NCAM1: variants seen among roughly 807,000 people sequenced by gnomAD.
NCAM1 encodes the protein neural cell adhesion molecule 1.
Under a neutral mutation model 109.8 loss-of-function variants are expected in NCAM1, and 14 were observed. That is an observed-to-expected ratio of 0.13 (90% confidence interval 0.08 to 0.20). NCAM1 has a LOEUF of 0.20. NCAM1 is among the 10% of genes least tolerant of loss of function. NCAM1 has a pLI of 1.00. For missense variants in NCAM1, 774 were observed against 1,109.9 expected (o/e 0.70, Z 4.30); for synonymous variants, 418 against 442.9 (o/e 0.94, Z 0.70).
At chr11:113,107,517 G>A (rs1555092767) in intron 1 of NCAM1, among the ~76,000 whole-genome samples, 1 of 152,120 alleles carries the variant, frequency 6.6e-6, no homozygotes, top group African/African-American at 2.4e-5. Context: ...AGATTTAACG[G>A]AGTCACAGTT....
Position 112,984,525 on chromosome 11 carries a change from G to C in NCAM1, c.52+22861G>C, listed in dbSNP as rs151072931. Among the ~76,000 whole-genome samples the C allele has an allele frequency of 5.9e-5, 9 of 151,840 alleles. No homozygotes were observed. In the East Asian group the frequency reaches 1.7e-3, roughly 29 times the overall value. ...TACATGCCCACCAACAGTGTACAAG[G>C]GTTCCCATTTCTCTACATGGCTACC... is the stretch of plus-strand genomic sequence containing the variant. On this transcript the variant is annotated intron_variant, in intron 1 of 19. Coordinates refer to ENST00000316851, the MANE Select transcript of NCAM1 (RefSeq NM_181351.5).
At chr11:112,983,104 A>C (rs1951196678) in intron 1 of NCAM1, among the ~76,000 whole-genome samples, 1 of 151,978 alleles carries the variant, frequency 6.6e-6, no homozygotes, top group South Asian at 2.1e-4. Flanking sequence ...ATATTTTCAA[A>C]AAGAATTAAA....
chr11:113,225,568 G>A (rs1224652792), intron 9 of NCAM1, among the ~76,000 whole-genome samples: 1 of 152,122 alleles, frequency 6.6e-6, no homozygotes, highest in Non-Finnish European at 1.5e-5. Flanking sequence ...TTCAAATTCA[G>A]GAAATACAGA....
chr11:113,022,231 A>G (rs1036916096), intron 1 of NCAM1, among the ~76,000 whole-genome samples: 1 of 152,162 alleles, frequency 6.6e-6, no homozygotes, highest in East Asian at 1.9e-4. Context: ...TCTGTGGTTC[A>G]TGGTTTAGAG....
intron 1 of NCAM1, among the ~76,000 whole-genome samples, chr11:112,987,621 C>T (rs1555069910): frequency 6.6e-6 from 1 of 151,776 alleles, no homozygotes; most frequent in Non-Finnish European, 1.5e-5. Context: ...AATTAATTGA[C>T]TTCTTTATTA....
intron 1 of NCAM1, among the ~76,000 whole-genome samples, chr11:112,990,680 G>T (rs1481915307): frequency 6.6e-6 from 1 of 152,110 alleles, no homozygotes; most frequent in Admixed American, 6.5e-5. Context: ...GCAAGTGGGT[G>T]TGATTTTTTC....
intron 1 of NCAM1, among the ~76,000 whole-genome samples, chr11:113,128,913 GT>G: frequency 9.7e-6 from 1 of 103,138 alleles, no homozygotes; most frequent in Non-Finnish European, 2.1e-5. Context: ...GAGGGTGTGT[GT>G]GTGTGTGTGT....
At chr11:112,989,702 C>T (rs1367226760) in intron 1 of NCAM1, among the ~76,000 whole-genome samples, 1 of 152,034 alleles carries the variant, frequency 6.6e-6, no homozygotes, top group African/African-American at 2.4e-5. Flanking sequence ...TCCCTGTCGT[C>T]TTGTGTTGGT....
intron 1 of NCAM1, among the ~76,000 whole-genome samples, chr11:113,185,629 C>T (rs892289714): frequency 5.3e-5 from 8 of 152,162 alleles, no homozygotes; most frequent in East Asian, 1.9e-4. Context: ...GTTTCTGCAG[C>T]GCTATGTCAC....
intron 1 of NCAM1, among the ~76,000 whole-genome samples, chr11:113,173,615 TA>T (rs1943058556): frequency 7.0e-6 from 1 of 142,420 alleles, no homozygotes; most frequent in Non-Finnish European, 1.5e-5. Flanking sequence ...TATATATATA[TA>T]TATATATATA....
chr11:113,275,793 T>G lies in NCAM1; in HGVS notation c.*406T>G, dbSNP rs910329022. On this transcript the variant is annotated 3_prime_UTR_variant, in exon 20 of 20. Transcript: ENST00000316851. ...GTTACCCGATTGGCACAGACCAGTT[T>G]CAGAGAAATACTTTCAGGCACTAAG... is the stretch of plus-strand genomic sequence containing the variant. The G allele has an allele frequency of 1.1e-4, 17 of 159,518 alleles. No individual in the cohort carries two copies. The highest frequency in any genetic ancestry group is 1.8e-4 in the Admixed American group (3 of 16,236). 9.9% of individuals were successfully genotyped at this position (159,518 alleles called of 1,614,324 possible). A position where few individuals can be genotyped will look rare whatever the true frequency, so the allele number is the denominator to read the frequency against.
rs192323000 is a variant in NCAM1 at position 113,264,267 on chromosome 11, G to C, written c.2131+3944G>C. ...TTTTCTGTTGTTATTATTTTTTAAT[G>C]TTCAAAGACTAGCCTTTCCCTTTGG... is the stretch of plus-strand genomic sequence containing the variant. On this transcript the variant is annotated intron_variant, in intron 17 of 19. Transcript: ENST00000316851. 8,601 of 985,086 alleles carry C rather than the reference G, an allele frequency of 8.7e-3. 49 individuals are homozygous for C. The highest frequency in any genetic ancestry group is 9.6e-3 in the Non-Finnish European group (7,936 of 829,836). The allele number at this position is 985,086 out of a possible 1,614,324, so 61.0% of individuals were successfully genotyped here. A position where few individuals can be genotyped will look rare whatever the true frequency, so the allele number is the denominator to read the frequency against.
chr11:113,123,654 G>A (rs545580237), intron 1 of NCAM1, among the ~76,000 whole-genome samples: 1 of 152,288 alleles, frequency 6.6e-6, no homozygotes, highest in African/African-American at 2.4e-5. Context: ...GCCTTTTCAT[G>A]GTACTCAAGG....
chr11:113,167,330 A>G (rs955461511), intron 1 of NCAM1, among the ~76,000 whole-genome samples: 1 of 152,078 alleles, frequency 6.6e-6, no homozygotes, highest in African/African-American at 2.4e-5. Context: ...GTTTACGAGC[A>G]GTGTTATAGA....
At chr11:113,014,399 T>C (rs1195359661) in intron 1 of NCAM1, among the ~76,000 whole-genome samples, 1 of 152,122 alleles carries the variant, frequency 6.6e-6, no homozygotes, top group African/African-American at 2.4e-5. Flanking sequence ...AGCCTTGGTC[T>C]AATGCCAGGA....
At chr11:113,266,559 G>A (rs782662112) in intron 17 of NCAM1, among the ~76,000 whole-genome samples, 1 of 152,096 alleles carries the variant, frequency 6.6e-6, no homozygotes, top group Non-Finnish European at 1.5e-5. Flanking sequence ...GAAGACCTAG[G>A]AGCGTGGTCC....
chr11:113,030,268 G>T (rs1952674995), intron 1 of NCAM1, among the ~76,000 whole-genome samples: 1 of 152,154 alleles, frequency 6.6e-6, no homozygotes, highest in African/African-American at 2.4e-5. Context: ...AAAGTGTATG[G>T]TTTCAGCCAT....
At chr11:113,198,133 C>T (rs1943912365) in intron 1 of NCAM1, among the ~76,000 whole-genome samples, 1 of 152,148 alleles carries the variant, frequency 6.6e-6, no homozygotes, top group Non-Finnish European at 1.5e-5. Flanking sequence ...TTGTTTGGTT[C>T]TCAAAAGACA....
In NCAM1 at chr11:113,278,297, A is replaced by G. The variant is rs1555127114; in HGVS notation, c.*2910A>G. 1 of 152,220 alleles carries G rather than the reference A, an allele frequency of 6.6e-6. No homozygotes were observed. The highest frequency in any genetic ancestry group is 1.5e-5 in the Non-Finnish European group (1 of 68,038). 9.4% of individuals were successfully genotyped at this position (152,220 alleles called of 1,614,324 possible). ...CTTCGGGGGCCTTCTCTCTTGTTAT[A>G]AAACTTTTTACCAAGTGAAACATCG... On this transcript the variant is annotated 3_prime_UTR_variant, in exon 20 of 20. Coordinates refer to ENST00000316851, the MANE Select transcript of NCAM1 (RefSeq NM_181351.5).
Sources: gnomAD v4.1 joint callset for allele counts (sites outside exome capture counted in the v4.1 genomes callset) on GRCh38, gnomAD v4.1.1 for gene constraint, MANE v1.5 for transcripts, NCBI Gene and HGNC (gene_info 2026-07-23, HGNC 2026-07-21) for gene names.